The following FRMD4B variants were observed in gnomAD, a reference collection of about 807,000 sequenced individuals.
The protein encoded by FRMD4B is FERM domain containing 4B, also known as FERM domain-containing protein 4B.
Under a neutral mutation model 141.5 loss-of-function variants are expected in FRMD4B, and 74 were observed. The ratio of observed to expected loss-of-function variants is 0.52; its 90% CI spans 0.43 to 0.63. FRMD4B has a LOEUF of 0.63. FRMD4B is among the 30% of genes least tolerant of loss of function. FRMD4B has a pLI of 0.00. For missense variants in FRMD4B, 1,366 were observed against 1,253.4 expected, an observed-to-expected ratio of 1.09 and a Z score of -1.36; for synonymous variants, 506 against 467.9, an observed-to-expected ratio of 1.08 and a Z score of -1.05.
At chr3:69,369,021 A>C (rs142445216) in intron 1 of FRMD4B, among the ~76,000 whole-genome samples, 29 of 152,344 alleles carry the variant, frequency 1.9e-4, no homozygotes, top group Middle Eastern at 3.4e-3. Context: ...TTCATTTGCT[A>C]AACTTCATCA....
chr3:69,535,427 C>A (rs1199380916), intron 1 of FRMD4B, among the ~76,000 whole-genome samples: 1 of 148,966 alleles, frequency 6.7e-6, no homozygotes, highest in Non-Finnish European at 1.5e-5. Context: ...CAATTCCCAG[C>A]ACAGGTGAAT....
chr3:69,451,550 A>G (rs1345463436), intron 1 of FRMD4B, among the ~76,000 whole-genome samples: 1 of 152,216 alleles, frequency 6.6e-6, no homozygotes, highest in Non-Finnish European at 1.5e-5. Flanking sequence ...TAAGGTTTAC[A>G]GCAATGAGGT....
chr3:69,456,012 A>T (rs1450971413), intron 1 of FRMD4B, among the ~76,000 whole-genome samples: 1 of 152,190 alleles, frequency 6.6e-6, no homozygotes, highest in Admixed American at 6.5e-5. Context: ...GATTATGCAC[A>T]TCAAGGACTT....
chr3:69,180,174 T>G (rs1313056637), intron 21 of FRMD4B, among the ~76,000 whole-genome samples: 1 of 148,844 alleles, frequency 6.7e-6, no homozygotes, highest in Non-Finnish European at 1.5e-5. Context: ...GGCAGGAGGG[T>G]TGCTTGAGGC....
At chr3:69,434,249 T>C (rs1175256985) in intron 1 of FRMD4B, among the ~76,000 whole-genome samples, 2 of 152,200 alleles carry the variant, frequency 1.3e-5, no homozygotes, top group Non-Finnish European at 2.9e-5. Flanking sequence ...TAAACAGATA[T>C]CTTCTGGTTG....
At chr3:69,255,579 C>T (rs1165106771) in intron 5 of FRMD4B, among the ~76,000 whole-genome samples, 6 of 152,074 alleles carry the variant, frequency 3.9e-5, no homozygotes, top group Non-Finnish European at 7.4e-5. Context: ...AAAATATAGA[C>T]ATATATTCCT....
chr3:69,394,451 A>G (rs943103192), intron 2 of FRMD4B, among the ~76,000 whole-genome samples: 4 of 152,272 alleles, frequency 2.6e-5, no homozygotes, highest in Admixed American at 6.5e-5. Flanking sequence ...CATGACAAAA[A>G]GTCCACCCTT....
intron 5 of FRMD4B, among the ~76,000 whole-genome samples, chr3:69,263,572 A>G (rs1559761496): frequency 6.6e-6 from 1 of 151,352 alleles, no homozygotes; most frequent in South Asian, 2.1e-4. Flanking sequence ...ATGCCTGGCT[A>G]ATTTTCCATT....
intron 1 of FRMD4B, among the ~76,000 whole-genome samples, chr3:69,351,683 C>T (rs1438495630): frequency 6.6e-6 from 1 of 152,070 alleles, no homozygotes; most frequent in Non-Finnish European, 1.5e-5. Flanking sequence ...ATCCTCTGGC[C>T]CAGAAAAGGC....
chr3:69,330,416 G>A (rs1476502462), intron 1 of FRMD4B, among the ~76,000 whole-genome samples: 1 of 138,668 alleles, frequency 7.2e-6, no homozygotes, highest in African/African-American at 2.8e-5. Flanking sequence ...GGGTGATCTC[G>A]GCTTACTGCA....
intron 7 of FRMD4B, among the ~76,000 whole-genome samples, chr3:69,241,015 T>A (rs1298598206): frequency 6.6e-6 from 1 of 152,150 alleles, no homozygotes; most frequent in African/African-American, 2.4e-5. Flanking sequence ...CAGGACCAAG[T>A]AGCTATGATG....
At chr3:69,266,776 T>C (rs1575673757) in intron 5 of FRMD4B, among the ~76,000 whole-genome samples, 1 of 152,242 alleles carries the variant, frequency 6.6e-6, no homozygotes, top group African/African-American at 2.4e-5. Context: ...AGATCACCAC[T>C]GGAGGCCAAG....
intron 1 of FRMD4B, among the ~76,000 whole-genome samples, chr3:69,366,142 C>A (rs1703645037): frequency 6.6e-6 from 1 of 151,344 alleles, no homozygotes; most frequent in African/African-American, 2.4e-5. Context: ...GGCTTGTAAT[C>A]CCGGCTACTT....
At position 69,382,963 on chromosome 3, in the gene FRMD4B, T is replaced by C. The variant is rs186123766; in HGVS notation, c.162+2865A>G. Among the ~76,000 whole-genome samples the C allele has an allele frequency of 8.5e-5, 13 of 152,296 alleles. No individual in the cohort carries two copies. In the East Asian group the frequency reaches 2.5e-3, roughly 29 times the overall value. On this transcript the variant is annotated intron_variant, in intron 1 of 22. Transcript: ENST00000398540. ...AGCTGTGACAAAAGTCATTTCTTTT[T>C]ACTCTGTAGGCAAGTTTGAATTGGG...
chr3:69,308,140 TG>T (rs918367379), intron 3 of FRMD4B, among the ~76,000 whole-genome samples: 1 of 152,206 alleles, frequency 6.6e-6, no homozygotes, highest in African/African-American at 2.4e-5. Context: ...TGCAGTACAT[TG>T]GGATGACAGC....
chr3:69,184,191 C>T (rs533534675), intron 19 of FRMD4B, among the ~76,000 whole-genome samples: 1 of 152,248 alleles, frequency 6.6e-6, no homozygotes, highest in South Asian at 2.1e-4. Context: ...GGATTACAGG[C>T]GTGAGCCGCT....
intron 1 of FRMD4B, among the ~76,000 whole-genome samples, chr3:69,451,268 C>T (rs1426217288): frequency 7.5e-6 from 1 of 133,090 alleles, no homozygotes; most frequent in African/African-American, 2.9e-5. Context: ...CTATCCTGCA[C>T]CAAAACAAAC....
chr3:69,176,069 C>T (rs1559682981), intron 22 of FRMD4B, among the ~76,000 whole-genome samples: 1 of 152,048 alleles, frequency 6.6e-6, no homozygotes. Flanking sequence ...CATGAGCCAC[C>T]GTGCCCGGCA....
intron 4 of FRMD4B, 69 bp downstream of exon 4, chr3:69,302,274 G>A: frequency 1.3e-6 from 1 of 787,502 alleles, no homozygotes; most frequent in Non-Finnish European, 2.2e-6. Flanking sequence ...AAATAGCAAA[G>A]AAAACACACA....
Sources: allele counts gnomAD v4.1 joint callset (sites outside exome capture counted in the v4.1 genomes callset), GRCh38; gene constraint gnomAD v4.1.1; transcripts MANE v1.5; gene names NCBI Gene and HGNC (gene_info 2026-07-23, HGNC 2026-07-21).